The following PIK3C2G variants were observed in gnomAD, a reference collection of about 807,000 sequenced individuals.
PIK3C2G encodes phosphatidylinositol-4-phosphate 3-kinase catalytic subunit type 2 gamma.
In PIK3C2G, 168 loss-of-function variants were observed where a neutral mutation model predicts 181.1. The ratio of observed to expected loss-of-function variants is 0.93; its 90% CI spans 0.82 to 1.05. PIK3C2G has a LOEUF of 1.05. Ranked by LOEUF, PIK3C2G falls within the 50% of genes least tolerant of loss-of-function variation. The probability of loss-of-function intolerance (pLI) is 0.00; values close to 1 mark genes in which losing one functional copy is unlikely to be tolerated. For synonymous variants in PIK3C2G, 573 were observed against 592.2 expected (o/e 0.97, Z 0.47); for missense variants, 1,869 against 1,732.8 (o/e 1.08, Z -1.40).
intron 26 of PIK3C2G, among the ~76,000 whole-genome samples, chr12:18,554,843 G>T (rs373905517): frequency 2.0e-5 from 3 of 151,990 alleles, no homozygotes; most frequent in East Asian, 3.9e-4. Flanking sequence ...TTAATTCATT[G>T]TTCCCCTTGA....
intron 31 of PIK3C2G, among the ~76,000 whole-genome samples, chr12:18,627,819 G>C (rs1271923734): frequency 3.3e-5 from 5 of 152,126 alleles, no homozygotes; most frequent in Non-Finnish European, 5.9e-5. Context: ...CTCAGGTTTT[G>C]ATAGTTCCAT....
chr12:18,707,913 T>A, the PIK3C2G span, among the ~76,000 whole-genome samples: 1 of 152,204 alleles, frequency 6.6e-6, no homozygotes, highest in African/African-American at 2.4e-5. Flanking sequence ...TACAACATGA[T>A]GTTATGGAAC....
intron 6 of PIK3C2G, chr12:18,320,167 C>A (rs1294185611): frequency 6.6e-6 from 1 of 152,174 alleles, no homozygotes; most frequent in African/African-American, 2.4e-5. Flanking sequence ...ATTACATACA[C>A]CCTAGGCATT....
Position 18,286,833 on chromosome 12 carries a change from G to A in PIK3C2G, c.679-14G>A. 2 of 1,350,854 alleles carry A rather than the reference G, an allele frequency of 1.5e-6. No homozygotes were observed. The highest frequency in any genetic ancestry group is 2.0e-6 in the Non-Finnish European group (2 of 986,332). The allele number at this position is 1,350,854 out of a possible 1,614,324, so 83.7% of individuals were successfully genotyped here. The stretch of plus-strand genomic sequence containing the variant: ...TTCTCCAAATTATATTAATTTAGTA[G>A]ATTTTATTTTAAGTCAATAGGTTGT... On this transcript the variant is annotated splice_polypyrimidine_tract_variant and intron_variant, in intron 2 of 32. Coordinates refer to ENST00000538779, the MANE Select transcript of PIK3C2G (RefSeq NM_001288772.2).
Position 18,318,592 on chromosome 12 carries a change from A to AT in PIK3C2G, c.1138-2363dup, listed in dbSNP as rs935731744. Among the ~76,000 whole-genome samples the AT allele has an allele frequency of 6.6e-5, 10 of 152,040 alleles. No individual in the cohort carries two copies. In the South Asian group the frequency reaches 8.3e-4, roughly 13 times the overall value. ...AAAACTGTAAAATTGTCTTGATAGT[A>AT]TTTTTTTCACATAATACTAGGAATA... On this transcript the variant is annotated intron_variant, in intron 6 of 32. Coordinates refer to ENST00000538779, the MANE Select transcript of PIK3C2G (RefSeq NM_001288772.2).
At chr12:18,372,196 T>A (rs1378300242) in intron 13 of PIK3C2G, among the ~76,000 whole-genome samples, 2 of 148,294 alleles carry the variant, frequency 1.3e-5, no homozygotes, top group Non-Finnish European at 3.0e-5. Flanking sequence ...GCTGTGTGTA[T>A]GTGTGTGTGT....
At chr12:18,488,986 G>A (rs1451689317) in intron 19 of PIK3C2G, among the ~76,000 whole-genome samples, 2 of 152,066 alleles carry the variant, frequency 1.3e-5, no homozygotes, top group Non-Finnish European at 2.9e-5. Flanking sequence ...GCACGTTTTT[G>A]TCGTTGCTCA....
chr12:18,286,093 G>A lies in PIK3C2G; in HGVS notation c.679-754G>A, dbSNP rs558501478. Among the ~76,000 whole-genome samples the A allele has an allele frequency of 1.2e-4, 19 of 152,022 alleles. No individual in the cohort carries two copies. In the South Asian group the frequency reaches 1.7e-3, roughly 13 times the overall value. On this transcript the variant is annotated intron_variant, in intron 2 of 32. Transcript: ENST00000538779. ...TATTAGAGAAAAAAGGGATCATTTC[G>A]TAATGCTAAAATGGTCAATCAGGAA...
chr12:18,385,863 C>T (rs1943136752), intron 14 of PIK3C2G, among the ~76,000 whole-genome samples: 1 of 152,108 alleles, frequency 6.6e-6, no homozygotes, highest in South Asian at 2.1e-4. Context: ...TTCCTCACCT[C>T]CCCGTTTGTA....
Position 18,473,584 on chromosome 12 carries a change from G to A in PIK3C2G, c.2505-14865G>A, listed in dbSNP as rs75323047. The stretch of plus-strand genomic sequence containing the variant: ...AAGTAGAAATAATGTATCTAGAGCA[G>A]CCATTCAGTACTTGTTGAGAAACTA... On this transcript the variant is annotated intron_variant, in intron 18 of 32. Transcript: ENST00000538779. Among the ~76,000 whole-genome samples, 316 of 152,246 alleles carry A rather than the reference G, an allele frequency of 2.1e-3. 1 individual carries two copies. The highest frequency in any genetic ancestry group is 7.3e-3 in the African/African-American group (304 of 41,560).
At chr12:18,619,453 A>T (rs898153360) in intron 31 of PIK3C2G, among the ~76,000 whole-genome samples, 6 of 152,192 alleles carry the variant, frequency 3.9e-5, no homozygotes, top group African/African-American at 1.4e-4. Context: ...TTAAGACGGA[A>T]GCTAAGGCCA....
intron 26 of PIK3C2G, among the ~76,000 whole-genome samples, chr12:18,550,175 A>G (rs891384493): frequency 6.6e-6 from 1 of 152,062 alleles, no homozygotes; most frequent in Non-Finnish European, 1.5e-5. Context: ...AATCTCTTAC[A>G]GAGGGGCCAG....
intron 8 of PIK3C2G, among the ~76,000 whole-genome samples, chr12:18,325,795 C>A (rs1951319913): frequency 6.6e-6 from 1 of 151,228 alleles, no homozygotes; most frequent in Admixed American, 6.6e-5. Context: ...GAAATGGCTG[C>A]AGTTAGTGTT....
chr12:18,248,286 C>T (rs1948061036), intron 1 of PIK3C2G, among the ~76,000 whole-genome samples: 1 of 152,072 alleles, frequency 6.6e-6, no homozygotes, highest in Non-Finnish European at 1.5e-5. Context: ...GGATAGAATT[C>T]TTCCGGGCGG....
chr12:18,447,673 T>G (rs891088144), intron 18 of PIK3C2G, among the ~76,000 whole-genome samples: 12 of 152,178 alleles, frequency 7.9e-5, no homozygotes, highest in Non-Finnish European at 1.3e-4. Flanking sequence ...ATTAAAAATA[T>G]GTAAAAATAT....
intron 11 of PIK3C2G, among the ~76,000 whole-genome samples, chr12:18,347,203 G>C (rs975257865): frequency 3.3e-5 from 5 of 151,182 alleles, no homozygotes; most frequent in Non-Finnish European, 5.9e-5. Context: ...CATGCAGAGA[G>C]ATAGAGAGTC....
At chr12:18,508,673 C>T (rs1430271752) in intron 24 of PIK3C2G, among the ~76,000 whole-genome samples, 1 of 152,068 alleles carries the variant, frequency 6.6e-6, no homozygotes, top group Non-Finnish European at 1.5e-5. Context: ...TGTGAAAAAT[C>T]AGACCTTAGC....
chr12:18,286,952 A>T, intron 3 of PIK3C2G, 23 bp downstream of exon 3: 1 of 1,328,386 alleles, frequency 7.5e-7, no homozygotes, highest in Non-Finnish European at 1.0e-6. Context: ...ATTTCATTAA[A>T]CTTTGAAATT....
At chr12:18,586,916 TA>T (rs369360114) in intron 29 of PIK3C2G, among the ~76,000 whole-genome samples, 2,322 of 152,218 alleles carry the variant, frequency 0.015, 26 homozygotes, top group Non-Finnish European at 0.024. Flanking sequence ...TGCAAATCAA[TA>T]AATGTAATTC....
Sources: gnomAD v4.1 joint callset for allele counts (sites outside exome capture counted in the v4.1 genomes callset) on GRCh38, gnomAD v4.1.1 for gene constraint, MANE v1.5 for transcripts, NCBI Gene and HGNC (gene_info 2026-07-23, HGNC 2026-07-21) for gene names.